Variants in PRKG2 observed in about 807,000 individuals in gnomAD.
PRKG2 encodes the protein protein kinase cGMP-dependent 2.
In PRKG2, 33 loss-of-function variants were observed where a neutral mutation model predicts 97.2. The ratio of observed to expected loss-of-function variants is 0.34; its 90% CI spans 0.26 to 0.45. The LOEUF (loss-of-function observed/expected upper bound fraction) is 0.45. PRKG2 is among the 20% of genes least tolerant of loss of function. The pLI is 1.00. For synonymous variants in PRKG2, 330 were observed against 321.8 expected, an observed-to-expected ratio of 1.03 and a Z score of -0.27; for missense variants, 638 against 900.0, an observed-to-expected ratio of 0.71 and a Z score of 3.73.
intron 11 of PRKG2, among the ~76,000 whole-genome samples, chr4:81,141,473 A>C (rs1409038632): frequency 6.6e-6 from 1 of 152,218 alleles, no homozygotes; most frequent in African/African-American, 2.4e-5. Context: ...TAAATAGCAC[A>C]GATATAAGAC....
At chr4:81,147,475 A>G (rs772422194) in intron 9 of PRKG2, among the ~76,000 whole-genome samples, 1 of 152,138 alleles carries the variant, frequency 6.6e-6, no homozygotes, top group Non-Finnish European at 1.5e-5. Context: ...TTTTTGCTTG[A>G]GGGTTTTATT....
chr4:81,136,485 C>T (rs1376454003), intron 13 of PRKG2, among the ~76,000 whole-genome samples: 3 of 152,280 alleles, frequency 2.0e-5, no homozygotes, highest in South Asian at 2.1e-4. Context: ...CACAATCTAA[C>T]GCCAACCCAC....
Position 81,097,533 on chromosome 4 carries a change from G to A in PRKG2, c.2127-5081C>T, listed in dbSNP as rs141869588. ...TAATAAGAGAGTTAATCTGTTCTTCGGAGCTTTGAAGCTAGATATTAGCTT... is the reference window on the plus strand; with the variant it reads ...TAATAAGAGAGTTAATCTGTTCTTCAGAGCTTTGAAGCTAGATATTAGCTT... On this transcript the variant is annotated intron_variant, in intron 17 of 18. Transcript: ENST00000264399. Among the ~76,000 whole-genome samples the A allele has an allele frequency of 8.4e-3, 1,280 of 152,192 alleles. 20 individuals carry two copies. Among genetic ancestry groups the A allele is most frequent in the African/African-American group, 0.027 (1,130 of 41,530 alleles).
At chr4:81,176,453 A>C (rs1750938645) in intron 2 of PRKG2, among the ~76,000 whole-genome samples, 1 of 152,178 alleles carries the variant, frequency 6.6e-6, no homozygotes, top group African/African-American at 2.4e-5. Flanking sequence ...TATCCACTAA[A>C]GCCAACTCAC....
In PRKG2 at chr4:81,104,035, AAAACAAACAAAC is replaced by A. The variant is rs71664829; in HGVS notation, c.2126+323_2126+334del. ...AACAGGGTGAGACTCTGTCATAAGAAAAACAAACAAACAAACAAACAAACAAAAAAACCTAAA... is the reference window on the plus strand; with the variant it reads ...AACAGGGTGAGACTCTGTCATAAGAAAAACAAACAAACAAAAAAACCTAAA... On this transcript the variant is annotated intron_variant, in intron 17 of 18. Transcript: ENST00000264399. Among the ~76,000 whole-genome samples, 16 of 151,858 alleles carry A rather than the reference AAAACAAACAAAC, an allele frequency of 1.1e-4. No homozygotes were observed. The South Asian group carries it at 3.3e-3, about 32-fold the overall frequency.
intron 18 of PRKG2, among the ~76,000 whole-genome samples, chr4:81,090,047 A>G (rs1267359093): frequency 2.6e-5 from 4 of 152,192 alleles, no homozygotes; most frequent in Non-Finnish European, 5.9e-5. Context: ...TGGCATGAAG[A>G]GTTTTCCTAA....
At chr4:81,205,205 A>AC in intron 1 of PRKG2, 145 bp from the exon 2 acceptor site, 1 of 558,672 alleles carries the variant, frequency 1.8e-6, no homozygotes, top group Non-Finnish European at 2.9e-6. Flanking sequence ...CGAAGTTTCC[A>AC]GAAAAAAAAA....
intron 8 of PRKG2, 72 bp from the exon 9 acceptor site, chr4:81,149,024 T>C (rs770768879): frequency 6.9e-7 from 1 of 1,441,892 alleles, no homozygotes; most frequent in Non-Finnish European, 9.8e-7. Context: ...TTAGGGAATG[T>C]ACTAACTTTG....
chr4:81,115,511 G>A (rs1362096783), intron 14 of PRKG2, among the ~76,000 whole-genome samples: 1 of 152,188 alleles, frequency 6.6e-6, no homozygotes, highest in African/African-American at 2.4e-5. Context: ...AGTTCTGCTG[G>A]AATTTCCATT....
chr4:81,213,152 T>C (rs1754093537), intron 1 of PRKG2, among the ~76,000 whole-genome samples: 1 of 152,136 alleles, frequency 6.6e-6, no homozygotes, highest in Non-Finnish European at 1.5e-5. Context: ...TTTGAGATGC[T>C]TGTGGGTCAT....
At chr4:81,203,728 A>G (rs758549325) in intron 2 of PRKG2, among the ~76,000 whole-genome samples, 8 of 151,016 alleles carry the variant, frequency 5.3e-5, no homozygotes, top group Non-Finnish European at 8.8e-5. Context: ...ATGTGTGCGC[A>G]CACACACACA....
intron 1 of PRKG2, among the ~76,000 whole-genome samples, chr4:81,208,428 TTTTG>T (rs1259377233): frequency 5.3e-5 from 8 of 152,166 alleles, no homozygotes; most frequent in South Asian, 2.1e-4. Flanking sequence ...TTTTGTGGGT[TTTTG>T]TTTGTTTGTT....
At chr4:81,180,908 T>C (rs1751348486) in intron 2 of PRKG2, among the ~76,000 whole-genome samples, 1 of 152,126 alleles carries the variant, frequency 6.6e-6, no homozygotes, top group Non-Finnish European at 1.5e-5. Flanking sequence ...TATGTATACA[T>C]GTGCCATGTT....
Position 81,173,018 on chromosome 4 carries a change from T to C in PRKG2, c.629-1214A>G, listed in dbSNP as rs116721904. On this transcript the variant is annotated intron_variant, in intron 3 of 18. Transcript: ENST00000264399. Reference sequence around the variant, plus strand: ...TTCTATCAAAGCCACTTAGTGGTAGTGTCCAGTTGATATCATGAATCTTAA... The same window carrying C: ...TTCTATCAAAGCCACTTAGTGGTAGCGTCCAGTTGATATCATGAATCTTAA... Among the ~76,000 whole-genome samples, 263 of 152,276 alleles carry C rather than the reference T, an allele frequency of 1.7e-3. 1 individual carries two copies. Among genetic ancestry groups the C allele is most frequent in the African/African-American group, 6.0e-3 (248 of 41,582 alleles).
intron 2 of PRKG2, among the ~76,000 whole-genome samples, chr4:81,191,529 C>A (rs1237721938): frequency 6.6e-6 from 1 of 151,956 alleles, no homozygotes; most frequent in Non-Finnish European, 1.5e-5. Context: ...CACGTGTATA[C>A]CTATGTAACA....
At chr4:81,091,443 C>T (rs561534666) in intron 18 of PRKG2, among the ~76,000 whole-genome samples, 3 of 151,814 alleles carry the variant, frequency 2.0e-5, no homozygotes, top group Non-Finnish European at 2.9e-5. Context: ...CCACCATGCC[C>T]GGCTAATTTT....
At chr4:81,178,452 A>T (rs1560606442) in intron 2 of PRKG2, among the ~76,000 whole-genome samples, 1 of 152,146 alleles carries the variant, frequency 6.6e-6, no homozygotes, top group African/African-American at 2.4e-5. Flanking sequence ...TGCAGCTATC[A>T]GGTACAACTT....
rs762245865 is a variant in PRKG2, at chr4:81,092,503, AG to A, written c.2127-52del. On this transcript the variant is annotated intron_variant, in intron 17 of 18. Coordinates refer to ENST00000264399, the MANE Select transcript of PRKG2 (RefSeq NM_006259.3). ...AAGGAAGGAAGGAAGGAAGGAAGGA[AG>A]GAAGGAAGGGAGAAAGAAAGAGACG... The A allele has an allele frequency of 3.7e-6, 4 of 1,092,898 alleles. No individual in the cohort carries two copies. The African/African-American group carries it at 6.5e-5, about 18-fold the overall frequency. The allele number at this position is 1,092,898 out of a possible 1,614,324, so 67.7% of individuals were successfully genotyped here. A position where few individuals can be genotyped will look rare whatever the true frequency, so the allele number is the denominator to read the frequency against.
intron 9 of PRKG2, 110 bp from the exon 10 acceptor site, chr4:81,144,440 AT>A (rs1747604202): frequency 6.4e-6 from 5 of 783,060 alleles, no homozygotes; most frequent in Non-Finnish European, 1.0e-5. Context: ...TTTATAAATC[AT>A]TTTTTAAATA....
Sources: allele counts gnomAD v4.1 joint callset (sites outside exome capture counted in the v4.1 genomes callset), GRCh38; gene constraint gnomAD v4.1.1; transcripts MANE v1.5; gene names NCBI Gene and HGNC (gene_info 2026-07-23, HGNC 2026-07-21).